Variants in MATN2 observed in about 807,000 individuals in gnomAD.
MATN2 encodes the protein matrilin-2.
MATN2 carries 69 observed loss-of-function variants against 103.2 expected under a neutral mutation model. The ratio of observed to expected loss-of-function variants is 0.67; its 90% CI spans 0.55 to 0.82. MATN2 has a LOEUF of 0.82. MATN2 is among the 40% of genes least tolerant of loss of function. The pLI is 0.00. For missense variants in MATN2, 1,023 were observed against 1,211.5 expected (o/e 0.84, Z 2.31); for synonymous variants, 429 against 450.2 (o/e 0.95, Z 0.60).
chr8:97,989,485 G>A (rs757321763), intron 6 of MATN2, among the ~76,000 whole-genome samples: 51 of 136,906 alleles, frequency 3.7e-4, no homozygotes, highest in Non-Finnish European at 6.8e-4. Flanking sequence ...AAAAAAAAAC[G>A]GAATGAAGGT....
Position 98,027,488 on chromosome 8 carries a change from AGGTCG to A in MATN2, c.2016_2020del (p.Glu672AspfsTer70). The A allele has an allele frequency of 6.2e-7, 1 of 1,613,904 alleles. No individual in the cohort carries two copies. The highest frequency in any genetic ancestry group is 2.2e-5 in the East Asian group (1 of 44,862). ...AAGAGTCTTGGAGAAGAGAATTTTG[AGGTCG>A]TGAAGCAGTTTGTCACTGGAATTAT... On this transcript the variant is annotated frameshift_variant, in exon 14 of 19. Transcript: ENST00000254898. LOFTEE classifies it high-confidence loss of function.
intron 6 of MATN2, among the ~76,000 whole-genome samples, chr8:97,981,488 A>G (rs927948471): frequency 6.6e-6 from 1 of 152,174 alleles, no homozygotes; most frequent in South Asian, 2.1e-4. Flanking sequence ...AAAACATTCA[A>G]GATTTCCACT....
At chr8:97,996,078 G>A (rs887487146) in intron 7 of MATN2, among the ~76,000 whole-genome samples, 4 of 152,172 alleles carry the variant, frequency 2.6e-5, no homozygotes, top group African/African-American at 9.7e-5. Context: ...CAAATTTGCA[G>A]ACCCAAAGCT....
intron 11 of MATN2, 117 bp from the exon 12 acceptor site, chr8:98,017,877 T>A: frequency 8.7e-7 from 1 of 1,145,134 alleles, no homozygotes; most frequent in Admixed American, 1.9e-5. Context: ...CATGGACCAC[T>A]GAGCTCAGGT....
At chr8:97,995,717 G>A (rs1252324407) in intron 7 of MATN2, among the ~76,000 whole-genome samples, 1 of 152,220 alleles carries the variant, frequency 6.6e-6, no homozygotes, top group Non-Finnish European at 1.5e-5. Context: ...TCTGCTCATA[G>A]CACAGATTAA....
chr8:97,921,102 T>C (rs1303897307), intron 2 of MATN2, among the ~76,000 whole-genome samples: 1 of 152,230 alleles, frequency 6.6e-6, no homozygotes, highest in African/African-American at 2.4e-5. Context: ...TTCTACTCAT[T>C]ATTCCATCCC....
At chr8:98,023,043 G>T (rs1813660682) in intron 13 of MATN2, among the ~76,000 whole-genome samples, 1 of 152,160 alleles carries the variant, frequency 6.6e-6, no homozygotes, top group African/African-American at 2.4e-5. Context: ...AGCTGAGATT[G>T]CTCCACTGCT....
intron 2 of MATN2, among the ~76,000 whole-genome samples, chr8:97,902,283 G>T (rs1297351513): frequency 6.6e-6 from 1 of 151,474 alleles, no homozygotes; most frequent in African/African-American, 2.4e-5. Context: ...ATCACTTGAG[G>T]TCAGGAGTCT....
intron 2 of MATN2, among the ~76,000 whole-genome samples, chr8:97,913,524 A>T (rs975404070): frequency 1.3e-5 from 2 of 151,936 alleles, no homozygotes; most frequent in African/African-American, 4.8e-5. Context: ...CATGTTGGCC[A>T]GGCTGGTCTT....
chr8:98,001,517 T>G (rs1332681284), intron 7 of MATN2, among the ~76,000 whole-genome samples: 1 of 146,204 alleles, frequency 6.8e-6, no homozygotes, highest in Non-Finnish European at 1.5e-5. Context: ...CAGGCTGGAG[T>G]GCAGTGGCAC....
intron 2 of MATN2, among the ~76,000 whole-genome samples, chr8:97,890,623 C>T (rs895188669): frequency 6.6e-6 from 1 of 151,996 alleles, no homozygotes; most frequent in Non-Finnish European, 1.5e-5. Context: ...GTCCTTGCCC[C>T]GAGGGTATGA....
Position 98,021,212 on chromosome 8 carries a change from T to A in MATN2, c.1827T>A (p.Asp609Glu). ...AEDGKRCRRK[D>E]VCKSTHHGCE... Reference sequence around the variant, plus strand: ...TCCCTACATTTTCCTCAGGGAAGGATGTCTGCAAATCAACCCACCATGGCT... The same window carrying A: ...TCCCTACATTTTCCTCAGGGAAGGAAGTCTGCAAATCAACCCACCATGGCT... The change falls in exon 13 of 19, where the codon GAT becomes GAA. Residue 609 changes from aspartate to glutamate, a missense_variant. Transcript: ENST00000254898. 6.2e-7 allele frequency: 1 copy of A among 1,613,444 alleles called. No individual in the cohort carries two copies. The highest frequency in any genetic ancestry group is 1.3e-5 in the African/African-American group (1 of 75,034).
At chr8:97,938,914 G>T (rs1033603482) in intron 3 of MATN2, among the ~76,000 whole-genome samples, 1 of 151,988 alleles carries the variant, frequency 6.6e-6, no homozygotes, top group Non-Finnish European at 1.5e-5. Flanking sequence ...ACAGAGTCTC[G>T]CTGTGTCTGC....
At chr8:97,992,590 AC>A (rs1002114279) in intron 6 of MATN2, among the ~76,000 whole-genome samples, 51 of 151,748 alleles carry the variant, frequency 3.4e-4, no homozygotes, top group African/African-American at 1.2e-3. Flanking sequence ...CACTAAAAAT[AC>A]AAAAATTAGC....
At chr8:98,010,481 T>C (rs543460899) in intron 10 of MATN2, among the ~76,000 whole-genome samples, 1 of 152,294 alleles carries the variant, frequency 6.6e-6, no homozygotes, top group South Asian at 2.1e-4. Flanking sequence ...AGAATGGTCG[T>C]TGCTGCCTTT....
At chr8:97,871,534 G>C (rs901377017) in intron 1 of MATN2, among the ~76,000 whole-genome samples, 2 of 152,222 alleles carry the variant, frequency 1.3e-5, no homozygotes, top group African/African-American at 2.4e-5. Context: ...GTCCCTTCCA[G>C]GGATTCCCCG....
intron 15 of MATN2, chr8:98,031,600 C>G (rs923396199): frequency 6.6e-6 from 1 of 152,194 alleles, no homozygotes; most frequent in Non-Finnish European, 1.5e-5. Context: ...CTTCCAAGCC[C>G]ACTGTTAAAA....
At chr8:97,959,759 T>C (rs1054894616) in intron 4 of MATN2, among the ~76,000 whole-genome samples, 1 of 152,222 alleles carries the variant, frequency 6.6e-6, no homozygotes, top group African/African-American at 2.4e-5. Flanking sequence ...TTTAATGCAT[T>C]TAATAGAGAT....
intron 7 of MATN2, among the ~76,000 whole-genome samples, chr8:98,000,871 C>G (rs542678838): frequency 6.6e-6 from 1 of 152,226 alleles, no homozygotes; most frequent in South Asian, 2.1e-4. Context: ...ACTACATAAC[C>G]ATTGTGATGA....
Sources: gnomAD v4.1 joint callset for allele counts (sites outside exome capture counted in the v4.1 genomes callset) on GRCh38, gnomAD v4.1.1 for gene constraint, MANE v1.5 for transcripts, NCBI Gene and HGNC (gene_info 2026-07-23, HGNC 2026-07-21) for gene names.